ACOX3: variants seen among roughly 807,000 people sequenced by gnomAD.
ACOX3 encodes the protein acyl-CoA oxidase 3, pristanoyl, also known as peroxisomal acyl-coenzyme A oxidase 3.
ACOX3 carries 73 observed loss-of-function variants against 81.5 expected under a neutral mutation model. That is an observed-to-expected ratio of 0.90 (90% CI 0.74 to 1.09). The LOEUF (loss-of-function observed/expected upper bound fraction) is 1.09, where lower values mean the gene tolerates loss of function less well. Ranked by LOEUF, ACOX3 falls within the 50% of genes least tolerant of loss-of-function variation. The probability of loss-of-function intolerance (pLI) is 0.00; values close to 1 mark genes in which losing one functional copy is unlikely to be tolerated. For missense variants in ACOX3, 947 were observed against 928.0 expected, an observed-to-expected ratio of 1.02 and a Z score of -0.27; for synonymous variants, 387 against 375.1, an observed-to-expected ratio of 1.03 and a Z score of -0.37.
At chr4:8,420,297 G>A (rs1367337623) in intron 1 of ACOX3, among the ~76,000 whole-genome samples, 1 of 152,218 alleles carries the variant, frequency 6.6e-6, no homozygotes, top group Non-Finnish European at 1.5e-5. Context: ...AAATCTCAAT[G>A]TTACAGCTTT....
chr4:8,385,091 C>T lies in ACOX3; in HGVS notation c.1538-3484G>A, dbSNP rs1718147141. On this transcript the variant is annotated intron_variant, in intron 13 of 17. Coordinates refer to ENST00000356406, the MANE Select transcript of ACOX3 (RefSeq NM_003501.3). The surrounding 1 kb of genome is among the most constrained non-coding windows in gnomAD (Gnocchi z 5.5). ...GTGGCATGGGGTGACCGCATTCCCT[C>T]CCCACTGTCTCGCAGAAGGAAAACA... 6.6e-6 allele frequency among the ~76,000 whole-genome samples: 1 copy of T among 152,142 alleles called. No homozygotes were observed. Among genetic ancestry groups the T allele is most frequent in the Non-Finnish European group, 1.5e-5 (1 of 68,014 alleles).
chr4:8,397,040 T>C lies in ACOX3; in HGVS notation c.953A>G (p.Asn318Ser), dbSNP rs761915804. 1.2e-6 allele frequency: 2 copies of C among 1,609,748 alleles called. No homozygotes were observed. The highest frequency in any genetic ancestry group is 2.2e-5 in the South Asian group (2 of 90,310). The change falls in exon 9 of 18, where the codon AAC becomes AGC. Residue 318 changes from asparagine to serine, a missense_variant. Physicochemically the swap from Asn to Ser is conservative, Grantham distance 46 (BLOSUM62 1). Coordinates refer to ENST00000356406, the MANE Select transcript of ACOX3 (RefSeq NM_003501.3). ...RVSIVSLAIL[N>S]LKLAVAIALR... is the part of the protein sequence containing the mutation. Reference sequence around the variant, plus strand: ...AGCGATGGCCACGGCCAGCTTTAGGTTAAGGATGGCCAGGCTCACGATGGA... The same window carrying C: ...AGCGATGGCCACGGCCAGCTTTAGGCTAAGGATGGCCAGGCTCACGATGGA...
At chr4:8,413,259 C>A (rs1431876190) in intron 5 of ACOX3, among the ~76,000 whole-genome samples, 26 of 108,030 alleles carry the variant, frequency 2.4e-4, no homozygotes, top group East Asian at 3.1e-4. Context: ...CCACCCCGCA[C>A]CCCTCCACAG....
In ACOX3 at chr4:8,404,495, CT is replaced by C. The variant is rs139906941; in HGVS notation, c.776+1459del. Among the ~76,000 whole-genome samples the C allele has an allele frequency of 8.9e-3, 1,279 of 143,028 alleles. 6 individuals carry two copies. The highest frequency in any genetic ancestry group is 0.038 in the South Asian group (165 of 4,318). The allele number at this position is 143,028 out of a possible 152,430, so 93.8% of individuals were successfully genotyped here. ...TTTGCTTTTTAACAATGTCCTTTTA[CT>C]TTCTTCTCAAGTTGACACTGTATAA... On this transcript the variant is annotated intron_variant, in intron 7 of 17. Transcript: ENST00000356406.
At chr4:8,434,748 T>C (rs1478614083) in intron 1 of ACOX3, among the ~76,000 whole-genome samples, 1 of 152,242 alleles carries the variant, frequency 6.6e-6, no homozygotes, top group Non-Finnish European at 1.5e-5. Flanking sequence ...TGTTTTTGAC[T>C]TGACTTGAAA....
intron 14 of ACOX3, among the ~76,000 whole-genome samples, chr4:8,380,101 G>A (rs1717451226): frequency 6.6e-6 from 1 of 152,082 alleles, no homozygotes; most frequent in South Asian, 2.1e-4. Context: ...TTCACGCTTT[G>A]GTCACCATGG....
rs777036072 is a variant in ACOX3 at position 8,437,638 on chromosome 4, G to A, written c.-15+3010C>T. Among the ~76,000 whole-genome samples the A allele has an allele frequency of 1.3e-5, 2 of 152,258 alleles. 1 individual carries two copies. The highest frequency in any genetic ancestry group is 1.3e-4 in the Admixed American group (2 of 15,288). ...AGAGGACGTGGACACGGATGTAGAC[G>A]TGGAAGAAGTCAAGTTAGGCAAGGA... On this transcript the variant is annotated intron_variant, in intron 1 of 17. Transcript: ENST00000356406. This position sits in a 1 kb window ranked among gnomAD's most constrained non-coding sequence, Gnocchi z 5.2.
chr4:8,380,782 T>C (rs1717542759), intron 14 of ACOX3, among the ~76,000 whole-genome samples: 2 of 152,192 alleles, frequency 1.3e-5, no homozygotes, highest in African/African-American at 4.8e-5. Flanking sequence ...ACTCATGGCC[T>C]GAGTCTCCCC....
chr4:8,403,552 G>A (rs1287249746), intron 7 of ACOX3, among the ~76,000 whole-genome samples: 1 of 152,208 alleles, frequency 6.6e-6, no homozygotes, highest in Non-Finnish European at 1.5e-5. Flanking sequence ...AGGCTCTGGG[G>A]GCTCAGTGAC....
At chr4:8,387,590 C>T (rs1292605067) in intron 13 of ACOX3, among the ~76,000 whole-genome samples, 2 of 152,220 alleles carry the variant, frequency 1.3e-5, no homozygotes, top group Admixed American at 6.5e-5. Flanking sequence ...GAGCTGTTCT[C>T]TGTGATACGC....
intron 1 of ACOX3, among the ~76,000 whole-genome samples, chr4:8,425,054 C>T (rs534849917): frequency 1.2e-4 from 18 of 152,310 alleles, no homozygotes; most frequent in African/African-American, 3.9e-4. Context: ...CATGCCCATG[C>T]AGCAATATGG....
chr4:8,364,547 G>A (rs911353482), downstream of ACOX3, among the ~76,000 whole-genome samples: 3 of 151,110 alleles, frequency 2.0e-5, no homozygotes, highest in East Asian at 1.9e-4. The surrounding 1 kb of genome is among the most constrained non-coding windows in gnomAD (Gnocchi z 5.0). Context: ...ACGAGAACCC[G>A]TTGTGTCTGA....
rs112245204 is a variant in ACOX3, at chr4:8,381,281, A to G, written c.1653+211T>C. On this transcript the variant is annotated intron_variant, in intron 14 of 17. Coordinates refer to ENST00000356406, the MANE Select transcript of ACOX3 (RefSeq NM_003501.3). The surrounding 1 kb of genome is among the most constrained non-coding windows in gnomAD (Gnocchi z 4.3). The stretch of plus-strand genomic sequence containing the variant: ...GTCAGGCACGGTAAATGTAACATCC[A>G]TGACCTCCCCAGCCCAGCAAGACAG... 1.3e-5 allele frequency among the ~76,000 whole-genome samples: 2 copies of G among 152,242 alleles called. No homozygotes were observed. Among genetic ancestry groups the G allele is most frequent in the South Asian group, 2.1e-4 (1 of 4,816 alleles).
intron 9 of ACOX3, among the ~76,000 whole-genome samples, chr4:8,396,297 G>A (rs6447868): frequency 0.36 from 54,837 of 152,006 alleles, 12,874 homozygotes; most frequent in African/African-American, 0.67. Context: ...TGCACAGGGC[G>A]TGCAAGGCCA....
Position 8,368,912 on chromosome 4 carries a change from T to TA in ACOX3, c.1984-1833dup, listed in dbSNP as rs1324022093. On this transcript the variant is annotated intron_variant, in intron 17 of 17. Transcript: ENST00000356406. The surrounding 1 kb of genome is among the most constrained non-coding windows in gnomAD (Gnocchi z 5.9). ...CTAGGCTGGTCTCAAACTCCTGGGC[T>TA]AAAGGGATCCGCCCGCCTCAGCCTT... 3.3e-5 allele frequency among the ~76,000 whole-genome samples: 5 copies of TA among 152,118 alleles called. No individual in the cohort carries two copies.
intron 1 of ACOX3, among the ~76,000 whole-genome samples, chr4:8,429,489 G>A (rs967207205): frequency 6.6e-6 from 1 of 152,216 alleles, no homozygotes; most frequent in Non-Finnish European, 1.5e-5. Flanking sequence ...TCAATCAGAC[G>A]AATTCCTGGG....
the ACOX3 span, chr4:8,357,122 T>C: frequency 3.7e-5 from 17 of 455,000 alleles, no homozygotes; most frequent in East Asian, 7.0e-5. Flanking sequence ...GAATGGTGCA[T>C]GCTAAGATGA....
chr4:8,439,129 C>T (rs1316551613), intron 1 of ACOX3: 1 of 152,166 alleles, frequency 6.6e-6, no homozygotes, highest in Non-Finnish European at 1.5e-5. Context: ...ATCTTTTTCC[C>T]AGGTAAGGAC....
rs150771562 is a variant in ACOX3 at position 8,406,540 on chromosome 4, AC to A, written c.688-498del. Among the ~76,000 whole-genome samples, 3,834 of 152,200 alleles carry A rather than the reference AC, an allele frequency of 0.025. 152 individuals carry two copies. Among genetic ancestry groups the A allele is most frequent in the African/African-American group, 0.087 (3,602 of 41,498 alleles). ...GGACCACTACCACCAAGACACGGAG[AC>A]CGGTAGTGGCCCCGAAGGCCAGGCT... is the stretch of plus-strand genomic sequence containing the variant. On this transcript the variant is annotated intron_variant, in intron 6 of 17. Transcript: ENST00000356406. This position sits in a 1 kb window ranked among gnomAD's most constrained non-coding sequence, Gnocchi z 5.6.
Sources: allele counts gnomAD v4.1 joint callset (sites outside exome capture counted in the v4.1 genomes callset), GRCh38; gene constraint gnomAD v4.1.1; non-coding constraint Gnocchi (gnomAD v3.1); transcripts MANE v1.5; gene names NCBI Gene and HGNC (gene_info 2026-07-23, HGNC 2026-07-21).